IPO7: variants seen among roughly 807,000 people sequenced by gnomAD.
The protein encoded by IPO7 is importin-7.
A neutral mutation model predicts 136.4 loss-of-function variants in IPO7; 13 were observed. The observed-to-expected ratio is 0.10, with a 90% CI of 0.06 to 0.15. The LOEUF (loss-of-function observed/expected upper bound fraction) is 0.15, where lower values mean the gene tolerates loss of function less well. Ranked by LOEUF, IPO7 falls within the 10% of genes least tolerant of loss-of-function variation. The probability of loss-of-function intolerance (pLI) is 1.00; values close to 1 mark genes in which losing one functional copy is unlikely to be tolerated. For synonymous variants in IPO7, 403 were observed against 404.4 expected (o/e 1.00, Z 0.04); for missense variants, 857 against 1,240.6 (o/e 0.69, Z 4.65).
At chr11:9,441,537 A>G (rs1394246878) in intron 23 of IPO7, among the ~76,000 whole-genome samples, 2 of 152,188 alleles carry the variant, frequency 1.3e-5, no homozygotes, top group East Asian at 3.8e-4. Flanking sequence ...TAAGCCCATG[A>G]CAAGGCAGTT....
chr11:9,397,049 A>G (rs917358838), intron 1 of IPO7, among the ~76,000 whole-genome samples: 1 of 151,468 alleles, frequency 6.6e-6, no homozygotes, highest in South Asian at 2.1e-4. Flanking sequence ...TTCTATTACT[A>G]TAGGTTAGAT....
chr11:9,403,393 G>A (rs753768156), intron 2 of IPO7, 22 bp downstream of exon 2: 5 of 1,515,802 alleles, frequency 3.3e-6, no homozygotes, highest in South Asian at 1.1e-5. Flanking sequence ...AAATTATATT[G>A]AGTGTATGTA....
chr11:9,443,298 A>C (rs1351453859), intron 24 of IPO7, among the ~76,000 whole-genome samples: 3 of 152,128 alleles, frequency 2.0e-5, no homozygotes. Flanking sequence ...TCTGTTAAAA[A>C]TGTAAACACC....
At chr11:9,440,152 C>G (rs1007169678) in intron 22 of IPO7, among the ~76,000 whole-genome samples, 1 of 152,140 alleles carries the variant, frequency 6.6e-6, no homozygotes, top group South Asian at 2.1e-4. Flanking sequence ...ACTAACTTAG[C>G]CAGCCTTTTA....
At chr11:9,403,071 G>A (rs533152745) in intron 1 of IPO7, 1 of 550,258 alleles carries the variant, frequency 1.8e-6, no homozygotes, top group East Asian at 3.3e-5. Context: ...GAAGTGCAGT[G>A]CTATACAGGC....
At chr11:9,444,382 A>T (rs1167590367) in intron 24 of IPO7, among the ~76,000 whole-genome samples, 1 of 151,024 alleles carries the variant, frequency 6.6e-6, no homozygotes, top group African/African-American at 2.4e-5. Context: ...TATTTTATTT[A>T]TTTGTTTGAG....
intron 16 of IPO7, among the ~76,000 whole-genome samples, chr11:9,432,031 A>G (rs985968704): frequency 1.3e-5 from 2 of 152,126 alleles, no homozygotes; most frequent in African/African-American, 4.8e-5. Flanking sequence ...GAAAGCCCTC[A>G]GGGGACCACT....
chr11:9,414,475 TAAC>T (rs1261728530), intron 5 of IPO7, 64 bp downstream of exon 5: 1 of 1,037,936 alleles, frequency 9.6e-7, no homozygotes, highest in Non-Finnish European at 1.4e-6. Flanking sequence ...TGTTAAAAAT[TAAC>T]AAAGAATTTC....
chr11:9,436,214 T>C, intron 19 of IPO7, 57 bp from the exon 20 acceptor site: 2 of 1,216,752 alleles, frequency 1.6e-6, no homozygotes, highest in Non-Finnish European at 1.2e-6. Context: ...TTCCTTGATT[T>C]AGATACCTGA....
intron 5 of IPO7, among the ~76,000 whole-genome samples, chr11:9,416,190 A>G (rs980373715): frequency 3.3e-5 from 5 of 152,114 alleles, no homozygotes; most frequent in Non-Finnish European, 7.4e-5. Flanking sequence ...AGGAAGAAAG[A>G]TCTATGACTT....
intron 1 of IPO7, among the ~76,000 whole-genome samples, chr11:9,394,684 T>A (rs1469672101): frequency 1.3e-5 from 2 of 152,220 alleles, no homozygotes; most frequent in South Asian, 4.1e-4. Context: ...TTTACGTCCC[T>A]TAGGTTCTAA....
In IPO7 at chr11:9,436,652, TTTTG is replaced by T. The variant is rs568556140; in HGVS notation, c.2268+298_2268+301del. 3.3e-3 allele frequency among the ~76,000 whole-genome samples: 496 copies of T among 151,218 alleles called. 2 individuals carry two copies. Among genetic ancestry groups the T allele is most frequent in the Middle Eastern group, 0.01 (3 of 292 alleles). On this transcript the variant is annotated intron_variant, in intron 20 of 24. Coordinates refer to ENST00000379719, the MANE Select transcript of IPO7 (RefSeq NM_006391.3). The stretch of plus-strand genomic sequence containing the variant: ...GTAATTAAATATCCATGGTCAGTTT[TTTTG>T]TTTGTTTGTTTTGTTTTGTTTGTTT...
rs938683333 is a variant in IPO7, at chr11:9,440,810, C to T, written c.2902+149C>T. On this transcript the variant is annotated intron_variant, in intron 23 of 24. Coordinates refer to ENST00000379719, the MANE Select transcript of IPO7 (RefSeq NM_006391.3). ...GTAACCAAAATTATTTCTAAGGTTGCCATAGTTTCTGAGTATTCTTTATTC... is the reference window on the plus strand; with the variant it reads ...GTAACCAAAATTATTTCTAAGGTTGTCATAGTTTCTGAGTATTCTTTATTC... 7.9e-5 allele frequency: 48 copies of T among 606,890 alleles called. No homozygotes were observed. The African/African-American group carries it at 8.0e-4, about 10-fold the overall frequency. 37.6% of individuals were successfully genotyped at this position (606,890 alleles called of 1,614,324 possible).
chr11:9,427,569 C>T (rs1855231010), intron 12 of IPO7, among the ~76,000 whole-genome samples: 1 of 152,168 alleles, frequency 6.6e-6, no homozygotes, highest in Non-Finnish European at 1.5e-5. Context: ...CGTCTTTCAT[C>T]TTTTCTATAC....
intron 9 of IPO7, 104 bp downstream of exon 9, chr11:9,423,244 G>A: frequency 1.5e-6 from 1 of 665,972 alleles, no homozygotes; most frequent in Non-Finnish European, 2.5e-6. Flanking sequence ...GTGTTACTTA[G>A]ACTACTTCTG....
chr11:9,410,828 C>T (rs1480289822), intron 4 of IPO7, among the ~76,000 whole-genome samples: 2 of 152,124 alleles, frequency 1.3e-5, no homozygotes, highest in Non-Finnish European at 2.9e-5. Context: ...ATAAGGAAGA[C>T]TTTTATACCA....
At chr11:9,442,402 G>GTTTT (rs1422890128) in intron 24 of IPO7, among the ~76,000 whole-genome samples, 6 of 150,118 alleles carry the variant, frequency 4.0e-5, no homozygotes, top group Admixed American at 1.3e-4. Context: ...GGCTTTTTTC[G>GTTTT]TTTTTTTTTG....
chr11:9,421,755 T>A (rs183671320), intron 8 of IPO7, among the ~76,000 whole-genome samples: 11 of 146,596 alleles, frequency 7.5e-5, no homozygotes, highest in South Asian at 2.2e-4. Context: ...CCATCCTGGC[T>A]AACACAGTGA....
intron 12 of IPO7, among the ~76,000 whole-genome samples, chr11:9,428,302 T>G (rs1328820717): frequency 1.3e-5 from 2 of 152,232 alleles, no homozygotes; most frequent in Non-Finnish European, 2.9e-5. Flanking sequence ...ACACTATTGC[T>G]GGTAAGATTT....
Sources: allele counts gnomAD v4.1 joint callset (sites outside exome capture counted in the v4.1 genomes callset), GRCh38; gene constraint gnomAD v4.1.1; transcripts MANE v1.5; gene names NCBI Gene and HGNC (gene_info 2026-07-23, HGNC 2026-07-21).